The following URGCP variants were observed in gnomAD, a reference collection of about 807,000 sequenced individuals.
URGCP encodes upregulator of cell proliferation, also known as up-regulator of cell proliferation.
In URGCP, 13 loss-of-function variants were observed where a neutral mutation model predicts 24.6. The observed-to-expected ratio is 0.53, with a 90% CI of 0.34 to 0.84. The LOEUF (loss-of-function observed/expected upper bound fraction) is 0.84. Ranked by LOEUF, URGCP falls within the 40% of genes least tolerant of loss-of-function variation. URGCP has a pLI of 0.01. For synonymous variants in URGCP, 444 were observed against 487.2 expected (o/e 0.91, Z 1.17); for missense variants, 899 against 1,194.3 (o/e 0.75, Z 3.64).
chr7:43,918,813 T>A (rs2095918681), intron 1 of URGCP: 1 of 1,198,880 alleles, frequency 8.3e-7, no homozygotes, highest in Admixed American at 1.7e-5. Context: ...CATGGAGGAG[T>A]TCGCTACTGA....
At position 43,877,565 on chromosome 7, in the gene URGCP, G is replaced by A. The variant is rs1441576977; in HGVS notation, c.1898C>T (p.Ala633Val). 1.2e-6 allele frequency: 2 copies of A among 1,613,942 alleles called. No individual in the cohort carries two copies. Among genetic ancestry groups the A allele is most frequent in the Non-Finnish European group, 1.7e-6 (2 of 1,180,050 alleles). ...CCTCTGGCCTGCCGGCAGCCTCCCT[G>A]CCTCCACAAGACAGCTCTCAGCCTC... Reference protein sequence around the residue: ...FYEAESCLVEAGRLPAGQRRF... With the variant: ...FYEAESCLVEVGRLPAGQRRF... The change falls in exon 6 of 6, where the codon GCA becomes GTA. Residue 633 changes from alanine to valine, a missense_variant. By Grantham distance (64) the Ala-to-Val change is moderately conservative. Transcript: ENST00000453200.
chr7:43,890,508 G>A (rs1361069567), intron 1 of URGCP, among the ~76,000 whole-genome samples: 5 of 152,042 alleles, frequency 3.3e-5, no homozygotes, highest in Non-Finnish European at 7.4e-5. Context: ...GAACCACCGC[G>A]CCCAGCCATG....
At chr7:43,901,868 T>C (rs1400327360) in intron 1 of URGCP, among the ~76,000 whole-genome samples, 1 of 152,208 alleles carries the variant, frequency 6.6e-6, no homozygotes, top group Non-Finnish European at 1.5e-5. Flanking sequence ...AGTCAGGTAC[T>C]TTTGACAGCC....
chr7:43,903,522 A>G (rs1428031451), intron 1 of URGCP, among the ~76,000 whole-genome samples: 1 of 152,208 alleles, frequency 6.6e-6, no homozygotes, highest in East Asian at 1.9e-4. Context: ...CAAATTATCC[A>G]TCAGTAACAA....
Position 43,878,469 on chromosome 7 carries a change from C to T in URGCP, c.994G>A (p.Val332Met). 1 of 1,614,192 alleles carries T rather than the reference C, an allele frequency of 6.2e-7. No homozygotes were observed. ...TCACCTCTCAGGTTCAGAAAGGCCA[C>T]AGGTTCTGGGAAAATGTCCAAGTCC... Reference protein sequence around the residue: ...REDLDIFPEPVAFLNLRGDIG... With the variant: ...REDLDIFPEPMAFLNLRGDIG... The change falls in exon 6 of 6, where the codon GTG (valine) becomes ATG (methionine). Residue 332 changes from valine (V) to methionine (M), a missense_variant. By Grantham distance (21) the Val-to-Met change is conservative (BLOSUM62 1). Coordinates refer to ENST00000453200, the MANE Select transcript of URGCP (RefSeq NM_001077663.3). The surrounding 1 kb of genome is among the most constrained non-coding windows in gnomAD (Gnocchi z 5.6).
chr7:43,877,808 A>G lies in URGCP; in HGVS notation c.1655T>C (p.Ile552Thr), dbSNP rs2095847512. 6.2e-7 allele frequency: 1 copy of G among 1,604,958 alleles called. No individual in the cohort carries two copies. The change falls in exon 6 of 6, where the codon ATC becomes ACC. Residue 552 changes from isoleucine to threonine, a missense_variant. By Grantham distance (89) the Ile-to-Thr change is moderately conservative. Coordinates refer to ENST00000453200, the MANE Select transcript of URGCP (RefSeq NM_001077663.3). ...HDPSSGVQEF[I>T]SGISSPSLSE... Reference sequence around the variant, plus strand: ...CAAGGAGGGGCTGCTGATCCCCGAGATGAACTCCTGCACCCCCGAGGAGGG... The same window carrying G: ...CAAGGAGGGGCTGCTGATCCCCGAGGTGAACTCCTGCACCCCCGAGGAGGG...
At chr7:43,913,629 G>C (rs974820199) in intron 1 of URGCP, among the ~76,000 whole-genome samples, 1 of 152,104 alleles carries the variant, frequency 6.6e-6, no homozygotes, top group African/African-American at 2.4e-5. Context: ...CCTTAAATAT[G>C]ATGAATCACT....
At chr7:43,912,851 A>G (rs1316363885) in intron 1 of URGCP, among the ~76,000 whole-genome samples, 1 of 146,726 alleles carries the variant, frequency 6.8e-6, no homozygotes, top group South Asian at 2.2e-4. Context: ...TTCTCCTTCA[A>G]TTTTTTTTTT....
At chr7:43,887,730 C>A in intron 2 of URGCP, 60 bp downstream of exon 2, 1 of 1,537,980 alleles carries the variant, frequency 6.5e-7, no homozygotes, top group East Asian at 2.4e-5. Flanking sequence ...CCAGCACTCT[C>A]CAAAACTGCT....
At chr7:43,906,966 G>GT (rs1046259700), upstream of URGCP, 9 of 157,986 alleles carry the variant, frequency 5.7e-5, no homozygotes, top group African/African-American at 2.2e-4. Flanking sequence ...GCCCTGAAGC[G>GT]TAAGGCCTTA....
intron 1 of URGCP, chr7:43,919,047 A>AT: frequency 9.5e-7 from 1 of 1,054,748 alleles, no homozygotes; most frequent in Non-Finnish European, 1.5e-6. Flanking sequence ...CCATGAGGAC[A>AT]TTTTTAACAT....
At chr7:43,909,743 A>G (rs2095907983), upstream of URGCP, among the ~76,000 whole-genome samples, 1 of 150,598 alleles carries the variant, frequency 6.6e-6, no homozygotes, top group African/African-American at 2.4e-5. Context: ...TTTAAAAAAT[A>G]ATAATAATAA....
chr7:43,900,051 A>C (rs955045867), intron 1 of URGCP, among the ~76,000 whole-genome samples: 3 of 152,138 alleles, frequency 2.0e-5, no homozygotes, highest in Non-Finnish European at 4.4e-5. Context: ...AGGCTGAGGC[A>C]GGAGGAATAC....
At chr7:43,903,444 C>T (rs2095895287) in intron 1 of URGCP, among the ~76,000 whole-genome samples, 1 of 152,154 alleles carries the variant, frequency 6.6e-6, no homozygotes, top group South Asian at 2.1e-4. Flanking sequence ...TATTTAAAAT[C>T]TTTTTAAGAT....
In URGCP at chr7:43,906,394, G is replaced by A; in HGVS notation, c.14+168C>T. On this transcript the variant is annotated intron_variant, in intron 1 of 5. Coordinates refer to ENST00000453200, the MANE Select transcript of URGCP (RefSeq NM_001077663.3). The stretch of plus-strand genomic sequence containing the variant: ...ACGCCCGCGCGGCCGGTCCGCCCAA[G>A]GTCGGCGCGAGCGGGCCGTGGGCCT... 2 of 772,932 alleles carry A rather than the reference G, an allele frequency of 2.6e-6. 1 individual carries two copies. Among genetic ancestry groups the A allele is most frequent in the Non-Finnish European group, 3.1e-6 (2 of 636,466 alleles). The allele number at this position is 772,932 out of a possible 1,614,324, so 47.9% of individuals were successfully genotyped here.
chr7:43,882,607 CA>C (rs535393777), intron 3 of URGCP, among the ~76,000 whole-genome samples: 93 of 133,788 alleles, frequency 7.0e-4, no homozygotes, highest in African/African-American at 5.5e-4. Context: ...GACCCTGTCT[CA>C]AAAAAAAAAA....
chr7:43,922,979 CTT>C (rs1417272880), intron 1 of URGCP, among the ~76,000 whole-genome samples: 2 of 150,490 alleles, frequency 1.3e-5, no homozygotes, highest in Admixed American at 6.7e-5. Context: ...CTCTCTCTCT[CTT>C]ACTTTCTTTC....
chr7:43,885,387 C>T (rs572637938), intron 3 of URGCP, among the ~76,000 whole-genome samples: 1 of 152,268 alleles, frequency 6.6e-6, no homozygotes, highest in East Asian at 1.9e-4. Flanking sequence ...AGGCATGAGC[C>T]ACTGCACCTG....
chr7:43,895,552 G>A (rs1302744610), intron 1 of URGCP, among the ~76,000 whole-genome samples: 3 of 152,228 alleles, frequency 2.0e-5, no homozygotes, highest in East Asian at 1.9e-4. Context: ...GCACACACCT[G>A]TAGTCCCAGC....
Sources: allele counts gnomAD v4.1 joint callset (sites outside exome capture counted in the v4.1 genomes callset), GRCh38; gene constraint gnomAD v4.1.1; non-coding constraint Gnocchi (gnomAD v3.1); transcripts MANE v1.5; gene names NCBI Gene and HGNC (gene_info 2026-07-23, HGNC 2026-07-21).